The following ITGA1 variants were observed in gnomAD, a reference collection of about 807,000 sequenced individuals.
The protein encoded by ITGA1 is integrin subunit alpha 1, also known as integrin alpha-1.
ITGA1 carries 85 observed loss-of-function variants against 145.9 expected under a neutral mutation model. The ratio of observed to expected loss-of-function variants is 0.58; its 90% CI spans 0.49 to 0.70. The LOEUF (loss-of-function observed/expected upper bound fraction) is 0.70. Among genes scored for constraint, ITGA1 ranks in the 30% least tolerant of loss-of-function variants. The probability of loss-of-function intolerance (pLI) is 0.00; values close to 1 mark genes in which losing one functional copy is unlikely to be tolerated. For missense variants in ITGA1, 1,351 were observed against 1,418.7 expected (o/e 0.95, Z 0.77); for synonymous variants, 520 against 495.3 (o/e 1.05, Z -0.66).
In ITGA1 at chr5:52,908,960, C is replaced by T; in HGVS notation, c.1518C>T (p.Asp506=). The change falls in exon 13 of 29, where the codon GAC becomes GAT. Residue 506 remains aspartate (D), a synonymous_variant. Coordinates refer to ENST00000282588, the MANE Select transcript of ITGA1 (RefSeq NM_181501.2). ...TTDIDKDSNT[D]ILLVGAPMYM... The stretch of plus-strand genomic sequence containing the variant: ...ACATTGACAAGGATTCTAATACTGA[C>T]ATTCTTCTAGTCGGAGCCCCTATGT... 4 of 1,613,760 alleles carry T rather than the reference C, an allele frequency of 2.5e-6. No homozygotes were observed. Among genetic ancestry groups the T allele is most frequent in the Non-Finnish European group, 3.4e-6 (4 of 1,179,744 alleles).
At chr5:52,911,399 T>A (rs1195491145) in intron 14 of ITGA1, among the ~76,000 whole-genome samples, 1 of 134,452 alleles carries the variant, frequency 7.4e-6, no homozygotes, top group East Asian at 2.2e-4. Context: ...AGTGTATATA[T>A]AGTATATAGT....
chr5:52,916,031 A>G (rs970579294), intron 15 of ITGA1, among the ~76,000 whole-genome samples: 5 of 152,232 alleles, frequency 3.3e-5, no homozygotes, highest in Admixed American at 6.5e-5. Context: ...GGTCAAGCCT[A>G]GAGGCATCTT....
chr5:52,948,507 G>T (rs1751167507), intron 28 of ITGA1, among the ~76,000 whole-genome samples: 1 of 152,204 alleles, frequency 6.6e-6, no homozygotes, highest in Non-Finnish European at 1.5e-5. Flanking sequence ...TCTCAGAGGA[G>T]ATGGTGAACA....
intron 6 of ITGA1, among the ~76,000 whole-genome samples, chr5:52,875,270 G>T (rs1749848479): frequency 6.6e-6 from 1 of 151,730 alleles, no homozygotes; most frequent in South Asian, 2.1e-4. Context: ...CATACAAAGG[G>T]ATGCTAGTAT....
At chr5:52,830,160 C>T (rs1265435062) in intron 1 of ITGA1, among the ~76,000 whole-genome samples, 1 of 152,126 alleles carries the variant, frequency 6.6e-6, no homozygotes, top group Non-Finnish European at 1.5e-5. Context: ...TATCAGAACA[C>T]ATGAATTTAA....
chr5:52,947,322 C>A (rs1751150219), intron 27 of ITGA1, 23 bp from the exon 28 acceptor site: 4 of 1,422,646 alleles, frequency 2.8e-6, no homozygotes, highest in Non-Finnish European at 4.0e-6. Context: ...ATTATGTTAA[C>A]AATCTTGTTT....
Position 52,955,045 on chromosome 5 carries a change from T to C in ITGA1, c.*2594T>C, listed in dbSNP as rs1751282730. On this transcript the variant is annotated 3_prime_UTR_variant, in exon 29 of 29. Coordinates refer to ENST00000282588, the MANE Select transcript of ITGA1 (RefSeq NM_181501.2). ...AGTTTCTTTTTCTCTAACTTTGGTA[T>C]TCTAAATAATTGATTATTGCTCCCA... 1 of 152,212 alleles carries C rather than the reference T, an allele frequency of 6.6e-6. No homozygotes were observed. 9.4% of individuals were successfully genotyped at this position (152,212 alleles called of 1,614,324 possible). A position where few individuals can be genotyped will look rare whatever the true frequency, so the allele number is the denominator to read the frequency against.
At chr5:52,801,280 A>G (rs1748475239) in intron 1 of ITGA1, 1 of 1,139,030 alleles carries the variant, frequency 8.8e-7, no homozygotes, top group African/African-American at 1.6e-5. Context: ...AATGTCTAGC[A>G]AATTTATGGA....
chr5:52,927,710 TA>T (rs1176382422), intron 20 of ITGA1, 46 bp downstream of exon 20: 1 of 1,204,672 alleles, frequency 8.3e-7, no homozygotes, highest in African/African-American at 1.5e-5. Flanking sequence ...ATATGAAAAG[TA>T]ATATGTGCAA....
chr5:52,864,886 G>T, intron 4 of ITGA1, 35 bp downstream of exon 4: 1 of 1,543,272 alleles, frequency 6.5e-7, no homozygotes, highest in Non-Finnish European at 8.9e-7. Context: ...ATTGACAACA[G>T]ATATGCTATC....
chr5:52,862,526 A>G (rs1749623754), intron 3 of ITGA1, among the ~76,000 whole-genome samples: 3 of 152,198 alleles, frequency 2.0e-5, no homozygotes, highest in Admixed American at 2.0e-4. Context: ...TGCATTTTTC[A>G]GAATTCTTTC....
chr5:52,801,277 A>G (rs112573303), intron 1 of ITGA1: 43 of 1,147,314 alleles, frequency 3.7e-5, no homozygotes, highest in African/African-American at 2.3e-4. Flanking sequence ...TTAAATGTCT[A>G]GCAAATTTAT....
intron 1 of ITGA1, among the ~76,000 whole-genome samples, chr5:52,842,418 C>T (rs1388340345): frequency 1.3e-5 from 2 of 152,082 alleles, no homozygotes; most frequent in Non-Finnish European, 2.9e-5. Context: ...ATGTAACATA[C>T]CTGTATTGTG....
intron 21 of ITGA1, chr5:52,931,634 G>A (rs1750895059): frequency 6.5e-6 from 1 of 154,254 alleles, no homozygotes; most frequent in South Asian, 2.0e-4. Context: ...TCTTTACTAA[G>A]TCCTCATCTG....
intron 23 of ITGA1, among the ~76,000 whole-genome samples, chr5:52,935,323 A>C (rs1750949625): frequency 1.3e-5 from 2 of 152,076 alleles, no homozygotes; most frequent in South Asian, 4.1e-4. Context: ...GATTTCAGGG[A>C]TGTTCTTAAC....
intron 21 of ITGA1, among the ~76,000 whole-genome samples, chr5:52,930,214 G>A (rs192044281): frequency 7.9e-4 from 121 of 152,226 alleles, no homozygotes; most frequent in Non-Finnish European, 6.6e-4. Context: ...TCTTCTAATT[G>A]TAATTATCCA....
intron 26 of ITGA1, among the ~76,000 whole-genome samples, chr5:52,941,276 C>T (rs534414100): frequency 7.1e-4 from 108 of 152,148 alleles, no homozygotes; most frequent in Admixed American, 7.1e-3. Flanking sequence ...CAGTTTCTTT[C>T]GGGTATATAC....
chr5:52,840,106 G>A (rs1049436942), intron 1 of ITGA1, among the ~76,000 whole-genome samples: 3 of 152,144 alleles, frequency 2.0e-5, no homozygotes, highest in Admixed American at 6.5e-5. Context: ...AAAAACGCCT[G>A]CTGTGTATAC....
At chr5:52,811,352 C>G (rs913819572) in intron 1 of ITGA1, among the ~76,000 whole-genome samples, 1 of 152,218 alleles carries the variant, frequency 6.6e-6, no homozygotes, top group African/African-American at 2.4e-5. Context: ...TTCATAATCT[C>G]TCTTGCAGAT....
Sources: allele counts gnomAD v4.1 joint callset (sites outside exome capture counted in the v4.1 genomes callset), GRCh38; gene constraint gnomAD v4.1.1; transcripts MANE v1.5; gene names NCBI Gene and HGNC (gene_info 2026-07-23, HGNC 2026-07-21).